Variants in MAGI1 observed in about 807,000 individuals in gnomAD.
The protein encoded by MAGI1 is membrane associated guanylate kinase, WW and PDZ domain containing 1.
Under a neutral mutation model 139.9 loss-of-function variants are expected in MAGI1, and 58 were observed. The ratio of observed to expected loss-of-function variants is 0.41; its 90% confidence interval spans 0.34 to 0.52. The LOEUF is 0.52. Among genes scored for constraint, MAGI1 ranks in the 20% least tolerant of loss-of-function variants. MAGI1 has a pLI of 0.12. For missense variants in MAGI1, 1,874 were observed against 1,901.6 expected, an observed-to-expected ratio of 0.99 and a Z score of 0.27; for synonymous variants, 812 against 737.9, an observed-to-expected ratio of 1.10 and a Z score of -1.63.
At chr3:65,468,893 G>C (rs894743500) in intron 5 of MAGI1, among the ~76,000 whole-genome samples, 2 of 151,200 alleles carry the variant, frequency 1.3e-5, no homozygotes, top group Non-Finnish European at 2.9e-5. Flanking sequence ...CTATGATCAT[G>C]CTACTGCACT....
intron 1 of MAGI1, among the ~76,000 whole-genome samples, chr3:65,956,865 G>A (rs1344007334): frequency 1.3e-5 from 2 of 152,064 alleles, no homozygotes; most frequent in African/African-American, 2.4e-5. Flanking sequence ...AGCCTGGCAT[G>A]GTGGCACACA....
chr3:66,013,760 C>CAAAA (rs372862676), intron 1 of MAGI1, among the ~76,000 whole-genome samples: 4 of 81,492 alleles, frequency 4.9e-5, no homozygotes, highest in Non-Finnish European at 7.6e-5. Context: ...GACTCTGTCT[C>CAAAA]AAAAAAAAAA....
chr3:65,852,963 G>A (rs57023181), intron 1 of MAGI1, among the ~76,000 whole-genome samples: 19,611 of 138,328 alleles, frequency 0.14, 3,879 homozygotes, highest in African/African-American at 0.45. Flanking sequence ...GTGAAACCCC[G>A]TATCTACTAA....
chr3:65,673,177 C>T (rs6803573), intron 1 of MAGI1, among the ~76,000 whole-genome samples: 116,469 of 152,056 alleles, frequency 0.77, 44,976 homozygotes, highest in African/African-American at 0.79. Flanking sequence ...AGCATCCGTA[C>T]ACTACTCTAA....
chr3:65,818,076 C>A (rs1453389964), intron 1 of MAGI1, among the ~76,000 whole-genome samples: 1 of 144,668 alleles, frequency 6.9e-6, no homozygotes, highest in Admixed American at 7.3e-5. Flanking sequence ...GTGTCTCTCT[C>A]TTTGACTTTC....
intron 2 of MAGI1, among the ~76,000 whole-genome samples, chr3:65,556,813 T>A (rs1047881931): frequency 1.3e-5 from 2 of 152,150 alleles, no homozygotes; most frequent in African/African-American, 4.8e-5. Flanking sequence ...AAGAACAAGA[T>A]CCTTAATATG....
intron 2 of MAGI1, among the ~76,000 whole-genome samples, chr3:65,515,303 G>C (rs1048999903): frequency 3.3e-5 from 5 of 150,708 alleles, no homozygotes; most frequent in Admixed American, 6.6e-5. Flanking sequence ...AAAACTTAAA[G>C]TATAAAAAAA....
At chr3:65,529,276 T>C (rs2078526501) in intron 2 of MAGI1, among the ~76,000 whole-genome samples, 1 of 152,162 alleles carries the variant, frequency 6.6e-6, no homozygotes, top group Non-Finnish European at 1.5e-5. Context: ...GACAGTACAT[T>C]CATAATGTTG....
intron 12 of MAGI1, among the ~76,000 whole-genome samples, chr3:65,420,551 A>T (rs1290650206): frequency 6.6e-6 from 1 of 152,186 alleles, no homozygotes; most frequent in Non-Finnish European, 1.5e-5. Flanking sequence ...TTTCATTTGC[A>T]GATGACGCTG....
At chr3:65,839,710 A>T (rs1289478349) in intron 1 of MAGI1, among the ~76,000 whole-genome samples, 1 of 152,230 alleles carries the variant, frequency 6.6e-6, no homozygotes, top group Non-Finnish European at 1.5e-5. Flanking sequence ...CTTAGACACG[A>T]CATTGAAAGC....
At chr3:65,972,125 T>C (rs184838973) in intron 1 of MAGI1, among the ~76,000 whole-genome samples, 1 of 152,108 alleles carries the variant, frequency 6.6e-6, no homozygotes, top group African/African-American at 2.4e-5. Flanking sequence ...CCACCTCACA[T>C]TGCAAAGCAG....
At chr3:65,688,653 A>G (rs536581560) in intron 1 of MAGI1, among the ~76,000 whole-genome samples, 33 of 152,292 alleles carry the variant, frequency 2.2e-4, no homozygotes, top group Middle Eastern at 3.4e-3. Context: ...TTAGCAGCCA[A>G]TATCAAATGT....
chr3:65,414,892 G>T (rs1056645001), intron 12 of MAGI1, among the ~76,000 whole-genome samples: 3 of 151,028 alleles, frequency 2.0e-5, no homozygotes, highest in Non-Finnish European at 4.4e-5. Flanking sequence ...AGCCGGGTGT[G>T]GTGGTGCATG....
chr3:65,834,165 T>C (rs1243854809), intron 1 of MAGI1, among the ~76,000 whole-genome samples: 1 of 152,164 alleles, frequency 6.6e-6, no homozygotes, highest in Non-Finnish European at 1.5e-5. Flanking sequence ...CAGGACGGTA[T>C]GAAAGTAAGA....
chr3:65,765,982 T>C (rs2037437226), intron 1 of MAGI1, among the ~76,000 whole-genome samples: 1 of 152,224 alleles, frequency 6.6e-6, no homozygotes, highest in South Asian at 2.1e-4. Flanking sequence ...CCAGCCTCGG[T>C]CCCATCTGTG....
chr3:65,556,171 T>G (rs1228831178), intron 2 of MAGI1, among the ~76,000 whole-genome samples: 2 of 152,168 alleles, frequency 1.3e-5, no homozygotes, highest in African/African-American at 2.4e-5. Context: ...AGCTGGTACT[T>G]AAAAGATTGC....
rs777420399 is a variant in MAGI1, at chr3:65,364,762, A to G, written c.3291-37T>C. 1.5e-5 allele frequency: 24 copies of G among 1,608,652 alleles called. 1 individual carries two copies. The South Asian group carries it at 2.5e-4, about 17-fold the overall frequency. Reference sequence around the variant, plus strand: ...AAAGAAATAAATATAAGAGCAACCCATTAGCAAACTGAGAAAGAATCAAGG... The same window carrying G: ...AAAGAAATAAATATAAGAGCAACCCGTTAGCAAACTGAGAAAGAATCAAGG... On this transcript the variant is annotated intron_variant, in intron 19 of 22. Coordinates refer to ENST00000402939, the MANE Select transcript of MAGI1 (RefSeq NM_001033057.2).
chr3:65,772,444 C>T (rs1166488759), intron 1 of MAGI1, among the ~76,000 whole-genome samples: 1 of 152,150 alleles, frequency 6.6e-6, no homozygotes, highest in East Asian at 1.9e-4. Flanking sequence ...GGGCATGGGA[C>T]CTGGGATGGC....
At chr3:65,497,074 G>A (rs1299477615) in intron 2 of MAGI1, among the ~76,000 whole-genome samples, 1 of 152,118 alleles carries the variant, frequency 6.6e-6, no homozygotes, top group East Asian at 1.9e-4. Flanking sequence ...ATGCCTAACA[G>A]ACACCTACGA....
Sources: gnomAD v4.1 joint callset for allele counts (sites outside exome capture counted in the v4.1 genomes callset) on GRCh38, gnomAD v4.1.1 for gene constraint, MANE v1.5 for transcripts, NCBI Gene and HGNC (gene_info 2026-07-23, HGNC 2026-07-21) for gene names.